Variants in HORMAD2 observed in about 807,000 individuals in gnomAD.
HORMAD2 encodes HORMA domain containing 2.
HORMAD2 carries 45 observed loss-of-function variants against 38.8 expected under a neutral mutation model. That is an observed-to-expected ratio of 1.16 (90% CI 0.91 to 1.49). HORMAD2 has a LOEUF of 1.49. HORMAD2 is among the 40% of genes most tolerant of loss of function. The pLI, the probability that HORMAD2 is intolerant of heterozygous loss-of-function variation, is 0.00. For synonymous variants in HORMAD2, 126 were observed against 122.8 expected, an observed-to-expected ratio of 1.03 and a Z score of -0.17; for missense variants, 338 against 367.0, an observed-to-expected ratio of 0.92 and a Z score of 0.65.
At chr22:30,171,301 T>C (rs1228177534) in intron 10 of HORMAD2, among the ~76,000 whole-genome samples, 1 of 152,218 alleles carries the variant, frequency 6.6e-6, no homozygotes, top group Non-Finnish European at 1.5e-5. Context: ...TGATTCAGCA[T>C]GTCCACACGA....
At chr22:30,175,928 C>A in intron 10 of HORMAD2, 135 bp from the exon 11 acceptor site, 1 of 605,158 alleles carries the variant, frequency 1.7e-6, no homozygotes, top group Non-Finnish European at 2.9e-6. Context: ...CAGGGCCAAA[C>A]CAGCCCACAG....
chr22:30,133,551 A>G (rs574321310), intron 10 of HORMAD2, among the ~76,000 whole-genome samples: 1 of 150,876 alleles, frequency 6.6e-6, no homozygotes, highest in Non-Finnish European at 1.5e-5. Flanking sequence ...ACATAGGTAT[A>G]CACATGCCAT....
chr22:30,129,235 A>G (rs1818154493), intron 10 of HORMAD2, among the ~76,000 whole-genome samples: 1 of 105,898 alleles, frequency 9.4e-6, no homozygotes, highest in Non-Finnish European at 1.8e-5. Context: ...AAAAAAAAAA[A>G]AAAAAAAAAA....
chr22:30,143,243 C>T (rs1041090650), intron 10 of HORMAD2, among the ~76,000 whole-genome samples: 1 of 152,068 alleles, frequency 6.6e-6, no homozygotes, highest in Non-Finnish European at 1.5e-5. Context: ...TTTATAATTG[C>T]ATTATAAGAG....
At chr22:30,178,926 C>T (rs1041295213), downstream of HORMAD2, among the ~76,000 whole-genome samples, 6 of 152,120 alleles carry the variant, frequency 3.9e-5, no homozygotes, top group Non-Finnish European at 7.4e-5. Context: ...AGCCAGGCAC[C>T]GAAACCACAC....
chr22:30,159,512 CA>C (rs1925313652), intron 10 of HORMAD2, among the ~76,000 whole-genome samples: 1 of 152,016 alleles, frequency 6.6e-6, no homozygotes, highest in Admixed American at 6.6e-5. Flanking sequence ...AAATATTAGC[CA>C]AAAGGGATAC....
intron 1 of HORMAD2, among the ~76,000 whole-genome samples, chr22:30,087,397 T>G (rs373034720): frequency 6.6e-6 from 1 of 152,136 alleles, no homozygotes. Context: ...AGACCTGGGT[T>G]GGGGATATAC....
chr22:30,120,606 T>C (rs1922360106), intron 8 of HORMAD2, among the ~76,000 whole-genome samples: 1 of 152,070 alleles, frequency 6.6e-6, no homozygotes, highest in Non-Finnish European at 1.5e-5. Context: ...AATTGGAAGG[T>C]AATTTAGTCC....
chr22:30,178,740 G>T (rs1926584113), downstream of HORMAD2, among the ~76,000 whole-genome samples: 1 of 152,178 alleles, frequency 6.6e-6, no homozygotes, highest in Non-Finnish European at 1.5e-5. Flanking sequence ...ACTGTGCTTG[G>T]TTCATCAGTG....
At chr22:30,129,211 C>A (rs1923090942) in intron 10 of HORMAD2, among the ~76,000 whole-genome samples, 1 of 77,884 alleles carries the variant, frequency 1.3e-5, no homozygotes, top group East Asian at 6.8e-4. Context: ...GAGTGAGACT[C>A]TATCTCAAAA....
At chr22:30,103,398 T>C in intron 3 of HORMAD2, 39 bp from the exon 4 acceptor site, 1 of 1,136,408 alleles carries the variant, frequency 8.8e-7, no homozygotes, top group South Asian at 1.3e-5. Context: ...ACAGCAGTCA[T>C]TTAGTAGATA....
Position 30,122,208 on chromosome 22 carries a change from T to G in HORMAD2, c.813T>G (p.Asn271Lys). 6.2e-7 allele frequency: 1 copy of G among 1,610,116 alleles called. No individual in the cohort carries two copies. Among genetic ancestry groups the G allele is most frequent in the Non-Finnish European group, 8.5e-7 (1 of 1,177,954 alleles). Residue 271 changes from asparagine to lysine, a missense_variant, in exon 10 of 11, where the codon AAT (asparagine) becomes AAG (lysine). By Grantham distance (94) the Asn-to-Lys change is moderately conservative (BLOSUM62 0). Transcript: ENST00000336726. ...GLDCDEEEECNDHIQRMNFVC... is the reference protein window; with the variant it reads ...GLDCDEEEECKDHIQRMNFVC... ...ACTGTGATGAGGAAGAAGAATGCAA[T>G]GACCATGTAAGGCAAAGCTTTAGAG...
In HORMAD2 at chr22:30,116,018, G is replaced by A. The variant is rs1922017498; in HGVS notation, c.343-2962G>A. Among the ~76,000 whole-genome samples the A allele has an allele frequency of 2.0e-5, 3 of 152,300 alleles. 1 individual carries two copies. Among genetic ancestry groups the A allele is most frequent in the Admixed American group, 2.0e-4 (3 of 15,304 alleles). On this transcript the variant is annotated intron_variant, in intron 7 of 10. Transcript: ENST00000336726. ...CACTTACTAGCTACATCAATAATGA[G>A]ACTAATGTCTACTTCAGAGTGTTGG...
chr22:30,108,707 C>T (rs1391977994), intron 5 of HORMAD2, among the ~76,000 whole-genome samples: 4 of 152,026 alleles, frequency 2.6e-5, no homozygotes, highest in Non-Finnish European at 4.4e-5. Context: ...TGTTGTTTAA[C>T]GTTGTTCTCC....
chr22:30,137,866 G>T (rs192115030), intron 10 of HORMAD2, among the ~76,000 whole-genome samples: 1 of 152,258 alleles, frequency 6.6e-6, no homozygotes, highest in East Asian at 1.9e-4. Context: ...TGTGAATAAT[G>T]CTGCTATAAA....
chr22:30,190,694 T>G, the HORMAD2 span, among the ~76,000 whole-genome samples: 18 of 152,324 alleles, frequency 1.2e-4, no homozygotes, highest in African/African-American at 4.3e-4. Context: ...TGAGCTCACA[T>G]GAAATGCAAG....
intron 10 of HORMAD2, among the ~76,000 whole-genome samples, chr22:30,155,961 C>T (rs1474757616): frequency 6.6e-6 from 1 of 152,206 alleles, no homozygotes; most frequent in Non-Finnish European, 1.5e-5. Flanking sequence ...CCTCACCCTG[C>T]TCAAGCTTTG....
Position 30,170,744 on chromosome 22 carries a change from G to A in HORMAD2, c.820-5319G>A, listed in dbSNP as rs565385034. 3.3e-5 allele frequency among the ~76,000 whole-genome samples: 5 copies of A among 152,166 alleles called. No homozygotes were observed. The East Asian group carries it at 5.8e-4, about 18-fold the overall frequency. On this transcript the variant is annotated intron_variant, in intron 10 of 10. Transcript: ENST00000336726. ...ACCCAGCTCAATGTCTCTCTTCTAA[G>A]GAGCCTTCTCTAAATTCCCCAGCCT...
chr22:30,091,266 C>CTTTTTTT (rs67947501), intron 1 of HORMAD2, among the ~76,000 whole-genome samples: 4 of 114,032 alleles, frequency 3.5e-5, no homozygotes, highest in Non-Finnish European at 7.1e-5. Flanking sequence ...CTCTTTCTTT[C>CTTTTTTT]TTTTTTTTTT....
Sources: gnomAD v4.1 joint callset for allele counts (sites outside exome capture counted in the v4.1 genomes callset) on GRCh38, gnomAD v4.1.1 for gene constraint, MANE v1.5 for transcripts, NCBI Gene and HGNC (gene_info 2026-07-23, HGNC 2026-07-21) for gene names.